FANCC: variants seen among roughly 807,000 people sequenced by gnomAD.
FANCC encodes FA complementation group C, also known as Fanconi anemia group C protein.
FANCC carries 55 observed loss-of-function variants against 71.3 expected under a neutral mutation model. The ratio of observed to expected loss-of-function variants is 0.77; its 90% CI spans 0.62 to 0.97. The LOEUF (loss-of-function observed/expected upper bound fraction) is 0.97, where lower values mean the gene tolerates loss of function less well. FANCC is among the 50% of genes least tolerant of loss of function. The pLI is 0.00. For missense variants in FANCC, 678 were observed against 670.9 expected, an observed-to-expected ratio of 1.01 and a Z score of -0.12; for synonymous variants, 275 against 244.9, an observed-to-expected ratio of 1.12 and a Z score of -1.15.
chr9:95,158,874 G>C (rs1307447074), intron 6 of FANCC, among the ~76,000 whole-genome samples: 1 of 152,194 alleles, frequency 6.6e-6, no homozygotes, highest in Non-Finnish European at 1.5e-5. Context: ...TCAAAGGCAA[G>C]ACCTATGAAG....
chr9:95,159,363 C>T (rs1408957709), intron 6 of FANCC, among the ~76,000 whole-genome samples: 1 of 152,170 alleles, frequency 6.6e-6, no homozygotes, highest in Non-Finnish European at 1.5e-5. Context: ...GACATGAACT[C>T]ATCCTTTTTT....
chr9:95,314,327 A>T (rs912357863), intron 1 of FANCC, among the ~76,000 whole-genome samples: 10 of 152,246 alleles, frequency 6.6e-5, no homozygotes, highest in African/African-American at 2.4e-4. Flanking sequence ...CTACCTGTGG[A>T]GTAGCCATTC....
intron 3 of FANCC, among the ~76,000 whole-genome samples, chr9:95,244,699 AAAAAAAAAAAAAAAC>A (rs1830846141): frequency 1.3e-5 from 2 of 149,266 alleles, no homozygotes; most frequent in South Asian, 4.2e-4. Context: ...AAAAAAAAAA[AAAAAAAAAAAAAAAC>A]CCAACACTTG....
intron 7 of FANCC, among the ~76,000 whole-genome samples, chr9:95,140,950 G>C (rs1430178576): frequency 6.6e-6 from 1 of 151,992 alleles, no homozygotes; most frequent in African/African-American, 2.4e-5. Context: ...AATATAAGCA[G>C]ATTTTTTATT....
chr9:95,261,023 G>T (rs4744451), intron 1 of FANCC, among the ~76,000 whole-genome samples: 75,304 of 151,910 alleles, frequency 0.5, 19,312 homozygotes, highest in East Asian at 0.63. Context: ...AAAACCTGCT[G>T]TCTGGACCCC....
At chr9:95,103,564 CA>C (rs1338547440) in intron 14 of FANCC, among the ~76,000 whole-genome samples, 1 of 152,190 alleles carries the variant, frequency 6.6e-6, no homozygotes. Flanking sequence ...CCTGCAGGCA[CA>C]AGTGAGGGAG....
intron 7 of FANCC, among the ~76,000 whole-genome samples, chr9:95,145,961 ATTCT>A (rs1829484346): frequency 1.7e-5 from 2 of 119,130 alleles, no homozygotes; most frequent in East Asian, 2.5e-4. Flanking sequence ...CTGAACTCTG[ATTCT>A]TTATTTTTTT....
chr9:95,204,060 C>T (rs911030501), intron 4 of FANCC, among the ~76,000 whole-genome samples: 2 of 152,124 alleles, frequency 1.3e-5, no homozygotes, highest in African/African-American at 4.8e-5. Context: ...CTGTAAATAT[C>T]CCCAGGAGCA....
intron 14 of FANCC, among the ~76,000 whole-genome samples, chr9:95,102,296 C>T (rs1391373247): frequency 1.3e-5 from 2 of 152,176 alleles, no homozygotes; most frequent in Non-Finnish European, 2.9e-5. Flanking sequence ...AGAAACAGCC[C>T]CTGGCATCCC....
At chr9:95,121,858 A>ATT (rs61191938) in intron 10 of FANCC, among the ~76,000 whole-genome samples, 35 of 138,136 alleles carry the variant, frequency 2.5e-4, no homozygotes, top group African/African-American at 5.4e-4. Flanking sequence ...CATAAAATTC[A>ATT]TTTTTTTTTT....
chr9:95,143,125 A>ACT (rs1376693401), intron 7 of FANCC, among the ~76,000 whole-genome samples: 2 of 152,232 alleles, frequency 1.3e-5, no homozygotes, highest in Non-Finnish European at 2.9e-5. Flanking sequence ...GAACTCAGGA[A>ACT]GACACTTTAC....
intron 1 of FANCC, among the ~76,000 whole-genome samples, chr9:95,307,807 T>G (rs1247230355): frequency 6.6e-6 from 1 of 152,218 alleles, no homozygotes; most frequent in East Asian, 1.9e-4. Flanking sequence ...GAACTCAGAC[T>G]TGCTGTTGCC....
intron 10 of FANCC, among the ~76,000 whole-genome samples, chr9:95,120,643 G>T (rs1334106554): frequency 6.6e-6 from 1 of 151,954 alleles, no homozygotes; most frequent in Non-Finnish European, 1.5e-5. Context: ...GGCTGGTCTT[G>T]AACTCAACTC....
intron 4 of FANCC, among the ~76,000 whole-genome samples, chr9:95,219,593 C>T (rs1588300262): frequency 1.3e-5 from 2 of 152,050 alleles, no homozygotes; most frequent in Admixed American, 1.3e-4. Flanking sequence ...CAGGTTTGAC[C>T]TGACAAAAAC....
chr9:95,174,078 T>C (rs1419120959), intron 4 of FANCC, among the ~76,000 whole-genome samples: 1 of 152,204 alleles, frequency 6.6e-6, no homozygotes, highest in Admixed American at 6.5e-5. Context: ...TGTGCTGCTA[T>C]GGCAAAGTAC....
chr9:95,118,931 A>G (rs1433011860), intron 10 of FANCC, among the ~76,000 whole-genome samples: 1 of 152,238 alleles, frequency 6.6e-6, no homozygotes, highest in African/African-American at 2.4e-5. Context: ...TGGGGATGCC[A>G]TCGGAATGGA....
At chr9:95,231,990 A>G (rs1830036974) in intron 4 of FANCC, among the ~76,000 whole-genome samples, 1 of 152,210 alleles carries the variant, frequency 6.6e-6, no homozygotes, top group African/African-American at 2.4e-5. Context: ...TAATTTATGA[A>G]GTAATTATAA....
intron 6 of FANCC, among the ~76,000 whole-genome samples, chr9:95,162,681 T>C (rs1239050800): frequency 6.6e-6 from 1 of 152,234 alleles, no homozygotes; most frequent in Non-Finnish European, 1.5e-5. Flanking sequence ...TATCTTATTA[T>C]GGTTCTGATT....
chr9:95,164,659 G>T lies in FANCC; in HGVS notation c.521+6420C>A, dbSNP rs559790678. ...AAGGAATAATTTTCATTCAGTCATGGTGTTTATACATATCTTTTTAACGTA... is the reference window on the plus strand; with the variant it reads ...AAGGAATAATTTTCATTCAGTCATGTTGTTTATACATATCTTTTTAACGTA... On this transcript the variant is annotated intron_variant, in intron 6 of 14. Coordinates refer to ENST00000289081, the MANE Select transcript of FANCC (RefSeq NM_000136.3). Among the ~76,000 whole-genome samples the T allele has an allele frequency of 6.6e-5, 10 of 152,256 alleles. No homozygotes were observed. In the South Asian group the frequency reaches 2.1e-3, roughly 32 times the overall value.
Sources: allele counts gnomAD v4.1 joint callset (sites outside exome capture counted in the v4.1 genomes callset), GRCh38; gene constraint gnomAD v4.1.1; transcripts MANE v1.5; gene names NCBI Gene and HGNC (gene_info 2026-07-23, HGNC 2026-07-21).